Variants in NCOA2 observed in about 807,000 individuals in gnomAD.
NCOA2 encodes the protein class E basic helix-loop-helix protein 75.
Under a neutral mutation model 145.1 loss-of-function variants are expected in NCOA2, and 21 were observed. That is an observed-to-expected ratio of 0.14 (90% CI 0.10 to 0.21). The LOEUF is 0.21. NCOA2 is among the 10% of genes least tolerant of loss of function. The pLI, the probability that NCOA2 is intolerant of heterozygous loss-of-function variation, is 1.00. For synonymous variants in NCOA2, 619 were observed against 637.5 expected (o/e 0.97, Z 0.44); for missense variants, 1,472 against 1,837.6 (o/e 0.80, Z 3.64).
chr8:70,435,745 CTT>C, the NCOA2 span, among the ~76,000 whole-genome samples: 2 of 150,976 alleles, frequency 1.3e-5, no homozygotes, highest in Admixed American at 6.6e-5. Context: ...ATCTTCCTCT[CTT>C]TCTTTTCTTT....
chr8:70,421,137 A>C, the NCOA2 span, among the ~76,000 whole-genome samples: 7 of 152,194 alleles, frequency 4.6e-5, no homozygotes, highest in Non-Finnish European at 8.8e-5. Context: ...CTGTGTAGGC[A>C]GGCAAACACA....
intron 2 of NCOA2, among the ~76,000 whole-genome samples, chr8:70,250,487 T>C (rs1447614081): frequency 1.3e-5 from 2 of 151,278 alleles, no homozygotes; most frequent in Non-Finnish European, 2.9e-5. Context: ...AGAGGATCAT[T>C]TGAGCCCAGG....
intron 2 of NCOA2, among the ~76,000 whole-genome samples, chr8:70,277,562 G>A (rs1825557626): frequency 1.3e-5 from 2 of 152,068 alleles, no homozygotes; most frequent in South Asian, 4.1e-4. Context: ...CCTAAATGGT[G>A]TTCTTTGGTA....
At chr8:70,321,149 G>A (rs1806018777) in intron 1 of NCOA2, among the ~76,000 whole-genome samples, 1 of 152,042 alleles carries the variant, frequency 6.6e-6, no homozygotes, top group South Asian at 2.1e-4. Flanking sequence ...GTTTTCTATT[G>A]TTTTGCATTT....
chr8:70,126,532 A>G, intron 19 of NCOA2: 1 of 456,996 alleles, frequency 2.2e-6, no homozygotes, highest in Non-Finnish European at 4.0e-6. Flanking sequence ...CACACAAGAT[A>G]GACACAGTCT....
At chr8:70,278,055 C>T (rs904066660) in intron 2 of NCOA2, among the ~76,000 whole-genome samples, 1 of 152,128 alleles carries the variant, frequency 6.6e-6, no homozygotes, top group Admixed American at 6.6e-5. Context: ...GCACTCACTC[C>T]CATTTTCTCC....
At chr8:70,157,978 T>C (rs1049984472) in intron 10 of NCOA2, among the ~76,000 whole-genome samples, 1 of 152,236 alleles carries the variant, frequency 6.6e-6, no homozygotes, top group Non-Finnish European at 1.5e-5. Flanking sequence ...GCAGGCTTTC[T>C]GAGCAAGATG....
intron 2 of NCOA2, among the ~76,000 whole-genome samples, chr8:70,279,071 G>C (rs754883530): frequency 6.6e-6 from 1 of 151,932 alleles, no homozygotes; most frequent in South Asian, 2.1e-4. Context: ...CAAGCAAAAG[G>C]CCCTTGGATG....
chr8:70,113,407 T>G lies in NCOA2; in HGVS notation c.*225A>C. 1 of 593,826 alleles carries G rather than the reference T, an allele frequency of 1.7e-6. No individual in the cohort carries two copies. The highest frequency in any genetic ancestry group is 2.8e-5 in the East Asian group (1 of 36,118). 36.8% of individuals were successfully genotyped at this position (593,826 alleles called of 1,614,324 possible). A position where few individuals can be genotyped will look rare whatever the true frequency, so the allele number is the denominator to read the frequency against. On this transcript the variant is annotated 3_prime_UTR_variant, in exon 23 of 23. Coordinates refer to ENST00000452400, the MANE Select transcript of NCOA2 (RefSeq NM_006540.4). ...ACTAAGGTGAATGCAGTGAACAGACTGAGCGACTGTCTGGATGCGAGCTTC... is the reference window on the plus strand; with the variant it reads ...ACTAAGGTGAATGCAGTGAACAGACGGAGCGACTGTCTGGATGCGAGCTTC...
chr8:70,327,597 A>C (rs1344658981), intron 1 of NCOA2, among the ~76,000 whole-genome samples: 1 of 152,222 alleles, frequency 6.6e-6, no homozygotes, highest in African/African-American at 2.4e-5. Context: ...AACCAGTTAA[A>C]GTACAAGTAC....
chr8:70,220,018 A>G (rs1235425770), intron 2 of NCOA2, among the ~76,000 whole-genome samples: 1 of 152,256 alleles, frequency 6.6e-6, no homozygotes, highest in Non-Finnish European at 1.5e-5. Context: ...CTTTTTCTAT[A>G]CAAATGTACA....
At chr8:70,326,455 A>ACG (rs1806581320) in intron 1 of NCOA2, among the ~76,000 whole-genome samples, 2 of 147,966 alleles carry the variant, frequency 1.4e-5, no homozygotes, top group East Asian at 4.0e-4. Context: ...ACACACGTGC[A>ACG]CACACACACA....
At chr8:70,166,844 G>A in intron 6 of NCOA2, 90 bp from the exon 7 acceptor site, 5 of 1,200,038 alleles carry the variant, frequency 4.2e-6, no homozygotes, top group Non-Finnish European at 5.9e-6. Context: ...GGAAAAATAT[G>A]ATTATTTCAT....
intron 1 of NCOA2, among the ~76,000 whole-genome samples, chr8:70,374,468 T>A (rs1811489296): frequency 6.9e-6 from 1 of 144,326 alleles, no homozygotes; most frequent in African/African-American, 2.6e-5. Context: ...CTAGACTCTG[T>A]CTCAAAAAAA....
At chr8:70,417,296 C>A in the NCOA2 span, among the ~76,000 whole-genome samples, 2 of 147,034 alleles carry the variant, frequency 1.4e-5, no homozygotes, top group Non-Finnish European at 3.0e-5. Flanking sequence ...TGCCTGTAAT[C>A]CCAGCACTTT....
At position 70,192,310 on chromosome 8, in the gene NCOA2, C is replaced by A. The variant is rs138465582; in HGVS notation, c.260-17451G>T. Among the ~76,000 whole-genome samples, 162 of 152,034 alleles carry A rather than the reference C, an allele frequency of 1.1e-3. 1 individual carries two copies. Among genetic ancestry groups the A allele is most frequent in the African/African-American group, 3.7e-3 (152 of 41,334 alleles). On this transcript the variant is annotated intron_variant, in intron 4 of 22. Coordinates refer to ENST00000452400, the MANE Select transcript of NCOA2 (RefSeq NM_006540.4). ...ACATAAAAACCTGAATTTTGTGCTACAGCGGACCAGAGGAGGGGAAAAAAA... is the reference window on the plus strand; with the variant it reads ...ACATAAAAACCTGAATTTTGTGCTAAAGCGGACCAGAGGAGGGGAAAAAAA...
chr8:70,399,478 T>C (rs950355107), intron 1 of NCOA2, among the ~76,000 whole-genome samples: 5 of 152,356 alleles, frequency 3.3e-5, no homozygotes, highest in African/African-American at 1.2e-4. Flanking sequence ...TCCTGATTTG[T>C]TGCTGATTTT....
chr8:70,245,380 C>T (rs1822523063), intron 2 of NCOA2: 1 of 152,088 alleles, frequency 6.6e-6, no homozygotes, highest in Non-Finnish European at 1.5e-5. Context: ...TGCTCTAAAA[C>T]CCGGTTTCCT....
At chr8:70,173,278 A>G (rs1814450013) in intron 5 of NCOA2, among the ~76,000 whole-genome samples, 1 of 152,216 alleles carries the variant, frequency 6.6e-6, no homozygotes, top group Non-Finnish European at 1.5e-5. Flanking sequence ...ATTTCTATTT[A>G]GAAGTATCAA....
Sources: allele counts gnomAD v4.1 joint callset (sites outside exome capture counted in the v4.1 genomes callset), GRCh38; gene constraint gnomAD v4.1.1; transcripts MANE v1.5; gene names NCBI Gene and HGNC (gene_info 2026-07-23, HGNC 2026-07-21).